The following ACVR1 variants were observed in gnomAD, a reference collection of about 807,000 sequenced individuals.
The protein encoded by ACVR1 is activin A receptor type 1, also known as activin receptor type-1.
Under a neutral mutation model 57.1 loss-of-function variants are expected in ACVR1, and 38 were observed. The observed-to-expected ratio is 0.67, with a 90% CI of 0.51 to 0.87. ACVR1 has a LOEUF of 0.87. ACVR1 is among the 40% of genes least tolerant of loss of function. ACVR1 has a pLI of 0.00. For synonymous variants in ACVR1, 212 were observed against 228.1 expected, an observed-to-expected ratio of 0.93 and a Z score of 0.63; for missense variants, 463 against 638.2, an observed-to-expected ratio of 0.73 and a Z score of 2.96.
In ACVR1 at chr2:157,769,494, C is replaced by T. The variant is rs114001431; in HGVS notation, c.790+874G>A. Reference sequence around the variant, plus strand: ...GAGATGGAACATCACCACCACACCACGGAAGCAAAGCTTTGAAGCTTTGGA... The same window carrying T: ...GAGATGGAACATCACCACCACACCATGGAAGCAAAGCTTTGAAGCTTTGGA... On this transcript the variant is annotated intron_variant, in intron 7 of 10. Transcript: ENST00000434821. Among the ~76,000 whole-genome samples, 373 of 152,262 alleles carry T rather than the reference C, an allele frequency of 2.4e-3. 2 individuals carry two copies. Among genetic ancestry groups the T allele is most frequent in the African/African-American group, 8.5e-3 (352 of 41,556 alleles).
chr2:157,859,703 C>A (rs1490843960), intron 1 of ACVR1, among the ~76,000 whole-genome samples: 2 of 152,154 alleles, frequency 1.3e-5, no homozygotes, highest in African/African-American at 2.4e-5. Flanking sequence ...CTGAAATCTG[C>A]AATATCCTTT....
chr2:157,844,787 T>C (rs1689078779), intron 1 of ACVR1, among the ~76,000 whole-genome samples: 1 of 152,008 alleles, frequency 6.6e-6, no homozygotes, highest in South Asian at 2.1e-4. Flanking sequence ...GAGATAGTAT[T>C]AAGAGGGGGG....
Position 157,737,615 on chromosome 2 carries a change from T to A in ACVR1, c.1446A>T (p.Pro482=). 6.2e-7 allele frequency: 1 copy of A among 1,614,154 alleles called. No individual in the cohort carries two copies. Among genetic ancestry groups the A allele is most frequent in the South Asian group, 1.1e-5 (1 of 91,084 alleles). The change falls in exon 11 of 11, where the codon CCA becomes CCT. Residue 482 remains proline (P), a synonymous_variant. Transcript: ENST00000434821. ...TACGCAGTGCTGTGAGTCTTGCGGA[T>A]GGATTTTGATACCAGCATTCTTTCA... ...KLMKECWYQN[P]SARLTALRIK...
At chr2:157,809,807 G>A (rs761315569) in intron 2 of ACVR1, among the ~76,000 whole-genome samples, 1 of 152,148 alleles carries the variant, frequency 6.6e-6, no homozygotes, top group Non-Finnish European at 1.5e-5. Flanking sequence ...AGGCACAGTG[G>A]TTCATGCTTG....
intron 3 of ACVR1, among the ~76,000 whole-genome samples, chr2:157,791,036 C>T (rs902489963): frequency 6.6e-6 from 1 of 152,216 alleles, no homozygotes. Flanking sequence ...TTCTTAGTCC[C>T]TCCTCGGCTG....
rs1690298721 is a variant in ACVR1, at chr2:157,876,288, C to T, written c.-675G>A. Among the ~76,000 whole-genome samples, 1 of 136,644 alleles carries T rather than the reference C, an allele frequency of 7.3e-6. No individual in the cohort carries two copies. The allele number at this position is 136,644 out of a possible 152,430, so 89.6% of individuals were successfully genotyped here. A position where few individuals can be genotyped will look rare whatever the true frequency, so the allele number is the denominator to read the frequency against. ...ACAGAGAGTAGAAAAGTTCCCCCTG[C>T]GCCGAGGGGGAGGCTGCGGCGGCGG... On this transcript the variant is annotated 5_prime_UTR_variant, in exon 1 of 11. Coordinates refer to ENST00000434821, the MANE Select transcript of ACVR1 (RefSeq NM_001111067.4).
At chr2:157,864,848 C>A in intron 1 of ACVR1, among the ~76,000 whole-genome samples, 1 of 151,910 alleles carries the variant, frequency 6.6e-6, no homozygotes, top group East Asian at 1.9e-4. Flanking sequence ...AAACTTTTTC[C>A]TTAAGTCTAA....
intron 1 of ACVR1, among the ~76,000 whole-genome samples, chr2:157,863,293 G>A (rs867849403): frequency 2.2e-5 from 3 of 138,310 alleles, no homozygotes; most frequent in African/African-American, 5.2e-5. Flanking sequence ...GATTACAGGC[G>A]TGAGCCACCA....
chr2:157,750,077 T>A (rs541498137), intron 9 of ACVR1, among the ~76,000 whole-genome samples: 1 of 152,312 alleles, frequency 6.6e-6, no homozygotes, highest in African/African-American at 2.4e-5. Context: ...GCCTAGGGAA[T>A]GACCTGCCCT....
chr2:157,875,395 T>A (rs770724914), intron 1 of ACVR1: 1 of 152,828 alleles, frequency 6.5e-6, no homozygotes, highest in African/African-American at 2.4e-5. Flanking sequence ...TCTATCTCCT[T>A]ACTCTCTACA....
chr2:157,780,461 G>C lies in ACVR1; in HGVS notation c.207C>G (p.Gly69=). 1 of 1,614,146 alleles carries C rather than the reference G, an allele frequency of 6.2e-7. No individual in the cohort carries two copies. Among genetic ancestry groups the C allele is most frequent in the Non-Finnish European group, 8.5e-7 (1 of 1,180,026 alleles). Residue 69 remains glycine (G), a synonymous_variant, in exon 4 of 11, where the codon GGC becomes GGG. Transcript: ENST00000434821. ...TTCCCTGCTCATAAACCTGGAAGCA[G>C]CCTTTCTGGTAGACGTGGAAGCCAT... ...INDGFHVYQK[G]CFQVYEQGKM...
At chr2:157,798,840 A>G (rs777540436) in intron 3 of ACVR1, among the ~76,000 whole-genome samples, 25 of 150,532 alleles carry the variant, frequency 1.7e-4, no homozygotes, top group Non-Finnish European at 2.4e-4. Context: ...GCATTTGTTT[A>G]AACACATGTT....
At chr2:157,814,762 T>A (rs1687871013) in intron 2 of ACVR1, among the ~76,000 whole-genome samples, 1 of 152,084 alleles carries the variant, frequency 6.6e-6, no homozygotes, top group African/African-American at 2.4e-5. Flanking sequence ...TGACAGCACA[T>A]CTCTACAATG....
intron 9 of ACVR1, among the ~76,000 whole-genome samples, chr2:157,738,819 T>C (rs746071768): frequency 6.6e-6 from 1 of 152,234 alleles, no homozygotes; most frequent in Non-Finnish European, 1.5e-5. Context: ...AAACTTCTCA[T>C]GTAATCATAA....
chr2:157,813,922 C>A (rs538078998), intron 2 of ACVR1, among the ~76,000 whole-genome samples: 7 of 152,188 alleles, frequency 4.6e-5, no homozygotes, highest in African/African-American at 1.2e-4. Context: ...TTAGAATGAA[C>A]CAGGAGATAG....
chr2:157,790,646 C>T (rs149369675), intron 3 of ACVR1, among the ~76,000 whole-genome samples: 67 of 152,310 alleles, frequency 4.4e-4, no homozygotes, highest in African/African-American at 1.4e-3. Flanking sequence ...GTTCTACGTT[C>T]GCACTAAGGC....
chr2:157,860,767 ATCC>A, intron 1 of ACVR1, among the ~76,000 whole-genome samples: 1 of 152,182 alleles, frequency 6.6e-6, no homozygotes. Context: ...AAAAAAAAAA[ATCC>A]AATCTCCTTT....
At chr2:157,778,019 G>A in intron 5 of ACVR1, 112 bp downstream of exon 5, 2 of 1,126,062 alleles carry the variant, frequency 1.8e-6, no homozygotes, top group East Asian at 2.4e-5. Context: ...CCAACAGCAT[G>A]TGTGTACACT....
In ACVR1 at chr2:157,795,928, C is replaced by T. The variant is rs113834978; in HGVS notation, c.67+3499G>A. On this transcript the variant is annotated intron_variant, in intron 3 of 10. Transcript: ENST00000434821. Reference sequence around the variant, plus strand: ...TCCACCCATGATATCATCTGAACTGCCCCATACCACAGAGGCAGAGTGTGG... The same window carrying T: ...TCCACCCATGATATCATCTGAACTGTCCCATACCACAGAGGCAGAGTGTGG... Among the ~76,000 whole-genome samples the T allele has an allele frequency of 1.2e-3, 179 of 152,180 alleles. 1 individual carries two copies. The highest frequency in any genetic ancestry group is 4.0e-3 in the African/African-American group (168 of 41,548).
Sources: gnomAD v4.1 joint callset for allele counts (sites outside exome capture counted in the v4.1 genomes callset) on GRCh38, gnomAD v4.1.1 for gene constraint, MANE v1.5 for transcripts, NCBI Gene and HGNC (gene_info 2026-07-23, HGNC 2026-07-21) for gene names.